SYCE1: variants seen among roughly 807,000 people sequenced by gnomAD.
SYCE1 encodes synaptonemal complex central element protein 1.
Under a neutral mutation model 55.1 loss-of-function variants are expected in SYCE1, and 37 were observed. The ratio of observed to expected loss-of-function variants is 0.67; its 90% CI spans 0.52 to 0.88. SYCE1 has a LOEUF of 0.88. SYCE1 is among the 40% of genes least tolerant of loss of function. The pLI, the probability that SYCE1 is intolerant of heterozygous loss-of-function variation, is 0.00. For missense variants in SYCE1, 399 were observed against 416.4 expected (o/e 0.96, Z 0.36); for synonymous variants, 163 against 159.4 (o/e 1.02, Z -0.17).
intron 10 of SYCE1, 27 bp from the exon 11 acceptor site, chr10:133,555,734 G>C (rs758030088): frequency 6.2e-7 from 1 of 1,608,060 alleles, no homozygotes; most frequent in East Asian, 2.2e-5. Flanking sequence ...GGGGTGGTCA[G>C]CACCGGCCAC....
At chr10:133,561,765 T>G (rs59526521) in intron 1 of SYCE1, among the ~76,000 whole-genome samples, 14,916 of 152,126 alleles carry the variant, frequency 0.098, 902 homozygotes, top group East Asian at 0.25. Flanking sequence ...GGTATTTTTT[T>G]TTGTTGTTGT....
chr10:133,565,604 C>T (rs1399295589), upstream of SYCE1: 1 of 1,450,180 alleles, frequency 6.9e-7, no homozygotes, highest in East Asian at 2.5e-5. Context: ...CCGCTGGGGG[C>T]AGGACTCCAG....
At chr10:133,554,389 A>G, downstream of SYCE1, 1 of 1,480,130 alleles carries the variant, frequency 6.8e-7, no homozygotes, top group Admixed American at 1.7e-5. Context: ...GGAGATGCAG[A>G]CTTTGACTCC....
intron 1 of SYCE1, chr10:133,564,555 CT>C (rs1313818868): frequency 2.7e-6 from 1 of 373,612 alleles, no homozygotes; most frequent in Non-Finnish European, 3.7e-6. Flanking sequence ...CCACATCTCA[CT>C]GTAGGGATGC....
chr10:133,567,986 T>C, upstream of SYCE1: 1 of 592,642 alleles, frequency 1.7e-6, no homozygotes, highest in Non-Finnish European at 3.2e-6. Flanking sequence ...CTGCACCCAC[T>C]GGGGCTCCAA....
At chr10:133,564,645 C>G (rs1010174206) in intron 1 of SYCE1, among the ~76,000 whole-genome samples, 1 of 152,178 alleles carries the variant, frequency 6.6e-6, no homozygotes, top group Non-Finnish European at 1.5e-5. Flanking sequence ...GGCATTCACG[C>G]AGGTAGGGCT....
rs1312139450 is a variant in SYCE1, at chr10:133,556,282, T to C, written c.529-235A>G. 8 of 592,182 alleles carry C rather than the reference T, an allele frequency of 1.4e-5. No individual in the cohort carries two copies. In the Admixed American group the frequency reaches 1.8e-4, roughly 13 times the overall value. The allele number at this position is 592,182 out of a possible 1,614,324, so 36.7% of individuals were successfully genotyped here. ...CTGCAGTGGGGATGCTCATGGATTG[T>C]TATTTACAACAGATAAACCTGCAAG... On this transcript the variant is annotated intron_variant, in intron 8 of 12. Transcript: ENST00000343131.
At chr10:133,555,466 A>G (rs1383261074) in intron 11 of SYCE1, 28 bp from the exon 12 acceptor site, 1 of 1,613,230 alleles carries the variant, frequency 6.2e-7, no homozygotes, top group African/African-American at 1.3e-5. Context: ...GGATGGGGGA[A>G]GGAAGAGGAG....
At chr10:133,566,460 G>T (rs894238083), upstream of SYCE1, among the ~76,000 whole-genome samples, 7 of 143,538 alleles carry the variant, frequency 4.9e-5, no homozygotes, top group Non-Finnish European at 1.1e-4. Context: ...GGGGTTAGAA[G>T]TTAGTTTTGG....
rs745821755 is a variant in SYCE1, at chr10:133,565,481, C to T, written c.49G>A (p.Val17Met). The T allele has an allele frequency of 1.0e-5, 16 of 1,550,070 alleles. No homozygotes were observed. The South Asian group carries it at 1.2e-4, about 12-fold the overall frequency. The change falls in exon 1 of 13, where the codon GTG becomes ATG. Residue 17 changes from valine to methionine, a missense_variant. Physicochemically the swap from Val to Met is conservative, Grantham distance 21 (BLOSUM62 1). Coordinates refer to ENST00000343131, the MANE Select transcript of SYCE1 (RefSeq NM_001143764.3). ...TSKAEPTAGA[V>M]DRAEKAGGQD... is the part of the protein sequence containing the mutation. The stretch of plus-strand genomic sequence containing the variant: ...CCTCCGGCCTTCTCAGCCCTGTCCA[C>T]GGCTCCTGCGGTGGGCTCGGCCTTC...
intron 11 of SYCE1, 48 bp from the exon 12 acceptor site, chr10:133,555,486 G>T: frequency 6.2e-7 from 1 of 1,612,464 alleles, no homozygotes. Flanking sequence ...GGAAAGGGTG[G>T]AGGAGGGACA....
intron 8 of SYCE1, chr10:133,556,556 G>C (rs2987791): frequency 0.82 from 505,361 of 618,036 alleles, 215,772 homozygotes; most frequent in Non-Finnish European, 0.89. Flanking sequence ...ACTTGACCTT[G>C]GTCTCATCAG....
chr10:133,563,732 A>G (rs1011795279), intron 1 of SYCE1, among the ~76,000 whole-genome samples: 1 of 151,072 alleles, frequency 6.6e-6, no homozygotes, highest in Non-Finnish European at 1.5e-5. Context: ...TGAAATGCTT[A>G]TTTTTGAGTT....
At chr10:133,566,263 G>A (rs1157527698), upstream of SYCE1, among the ~76,000 whole-genome samples, 5 of 152,248 alleles carry the variant, frequency 3.3e-5, no homozygotes, top group Non-Finnish European at 7.3e-5. Context: ...GATGCATCGC[G>A]ACTGGTTGTG....
At chr10:133,558,037 C>T (rs1214622180) in intron 5 of SYCE1, 119 bp from the exon 6 acceptor site, 1 of 1,520,274 alleles carries the variant, frequency 6.6e-7, no homozygotes, top group East Asian at 2.3e-5. Flanking sequence ...ACATTTACTA[C>T]ATGTCTGGTG....
chr10:133,558,098 G>C, intron 5 of SYCE1, 69 bp downstream of exon 5: 1 of 1,599,228 alleles, frequency 6.3e-7, no homozygotes, highest in Non-Finnish European at 8.6e-7. Flanking sequence ...GGCTTCAGCT[G>C]CCATAGGGAG....
chr10:133,566,561 GTAGGGGTAGGGTTTTACGGT>G (rs147366737), upstream of SYCE1, among the ~76,000 whole-genome samples: 11,121 of 121,718 alleles, frequency 0.091, 639 homozygotes, highest in East Asian at 0.26. Context: ...TAGGGTCGGG[GTAGGGGTAGGGTTTTACGGT>G]TAGGGTCAGG....
At chr10:133,560,833 T>C (rs917422645) in intron 1 of SYCE1, 1 of 152,214 alleles carries the variant, frequency 6.6e-6, no homozygotes, top group Admixed American at 6.5e-5. Context: ...TAAATGCATA[T>C]CTGATTTTGT....
downstream of SYCE1, chr10:133,554,659 A>G (rs2149616): frequency 0.12 from 86,535 of 723,042 alleles, 5,981 homozygotes; most frequent in East Asian, 0.25. Context: ...TTTTAATTTC[A>G]GGGAGTCTGT....
Sources: allele counts gnomAD v4.1 joint callset (sites outside exome capture counted in the v4.1 genomes callset), GRCh38; gene constraint gnomAD v4.1.1; transcripts MANE v1.5; gene names NCBI Gene and HGNC (gene_info 2026-07-23, HGNC 2026-07-21).